The following ADIPOR1 variants were observed in gnomAD, a reference collection of about 807,000 sequenced individuals.
ADIPOR1 encodes adiponectin receptor 1.
A neutral mutation model predicts 37.5 loss-of-function variants in ADIPOR1; 15 were observed. The ratio of observed to expected loss-of-function variants is 0.40; its 90% CI spans 0.27 to 0.62. The LOEUF (loss-of-function observed/expected upper bound fraction) is 0.62, where lower values mean the gene tolerates loss of function less well. ADIPOR1 is among the 20% of genes least tolerant of loss of function. The pLI is 0.42. For missense variants in ADIPOR1, 286 were observed against 478.0 expected, an observed-to-expected ratio of 0.60 and a Z score of 3.75; for synonymous variants, 173 against 173.2, an observed-to-expected ratio of 1.00 and a Z score of 0.01.
rs368402095 is a variant in ADIPOR1, at chr1:202,949,706, G to A, written c.141+1224C>T. 1.1e-4 allele frequency among the ~76,000 whole-genome samples: 17 copies of A among 152,118 alleles called. No homozygotes were observed. In the East Asian group the frequency reaches 2.5e-3, roughly 23 times the overall value. On this transcript the variant is annotated intron_variant, in intron 2 of 7. Coordinates refer to ENST00000340990, the MANE Select transcript of ADIPOR1 (RefSeq NM_015999.6). ...GCCTGGCAGTTCAACTCCTTTTCTG[G>A]GCTATTTCTCTCCTGTTGCTGATGG...
chr1:202,947,372 A>T (rs1217818850), intron 3 of ADIPOR1, among the ~76,000 whole-genome samples: 1 of 151,424 alleles, frequency 6.6e-6, no homozygotes, highest in African/African-American at 2.4e-5. Context: ...AAATACAAAA[A>T]TAAGCCAGGC....
In ADIPOR1 at chr1:202,943,614, T is replaced by C. The variant is rs1442663590; in HGVS notation, c.805+144A>G. The C allele has an allele frequency of 3.4e-6, 3 of 876,508 alleles. No individual in the cohort carries two copies. The African/African-American group carries it at 5.1e-5, about 15-fold the overall frequency. 54.3% of individuals were successfully genotyped at this position (876,508 alleles called of 1,614,324 possible). A position where few individuals can be genotyped will look rare whatever the true frequency, so the allele number is the denominator to read the frequency against. ...GGGGGTTGAGAACTGAGCTTTGAAA[T>C]TGATGCTGTTTTGAAAGTTCTGAAA... On this transcript the variant is annotated intron_variant, in intron 6 of 7. Coordinates refer to ENST00000340990, the MANE Select transcript of ADIPOR1 (RefSeq NM_015999.6).
intron 2 of ADIPOR1, among the ~76,000 whole-genome samples, chr1:202,949,577 T>TC (rs1654478642): frequency 8.4e-5 from 2 of 23,734 alleles, no homozygotes; most frequent in South Asian, 1.7e-3. Context: ...AGACTCTGTC[T>TC]CCAAAAAAAA....
chr1:202,945,989 C>CG (rs374676043), intron 4 of ADIPOR1, among the ~76,000 whole-genome samples: 1 of 118,942 alleles, frequency 8.4e-6, no homozygotes. Context: ...GTAACCAAAC[C>CG]CCCCCCCACC....
At position 202,941,704 on chromosome 1, in the gene ADIPOR1, G is replaced by A. The variant is rs1654093940; in HGVS notation, c.1000-3C>T. On this transcript the variant is annotated splice_region_variant and splice_polypyrimidine_tract_variant and intron_variant, in intron 7 of 7. Coordinates refer to ENST00000340990, the MANE Select transcript of ADIPOR1 (RefSeq NM_015999.6). ...TGGAAAATCTGATGAGACTGGAACT[G>A]TAGGAATAAAAAGAAAAGAGCCTTT... The A allele has an allele frequency of 1.9e-6, 3 of 1,607,876 alleles. No homozygotes were observed. Among genetic ancestry groups the A allele is most frequent in the Non-Finnish European group, 2.5e-6 (3 of 1,178,526 alleles).
At position 202,958,180 on chromosome 1, in the gene ADIPOR1, C is replaced by CT. The variant is rs1654858905; in HGVS notation, c.-95+4dup. On this transcript the variant is annotated splice_donor_region_variant and intron_variant, in intron 1 of 7. Transcript: ENST00000340990. ...TGCCCACCGCGCAGCCCCTGGGAGA[C>CT]TTACAGCCGGGCAGGCGGGCTCTGC... 1 of 152,126 alleles carries CT rather than the reference C, an allele frequency of 6.6e-6. No individual in the cohort carries two copies. The highest frequency in any genetic ancestry group is 2.4e-5 in the African/African-American group (1 of 41,430). 9.4% of individuals were successfully genotyped at this position (152,126 alleles called of 1,614,324 possible).
chr1:202,946,901 G>T lies in ADIPOR1; in HGVS notation c.259-291C>A, dbSNP rs1258302742. Among the ~76,000 whole-genome samples, 4 of 151,442 alleles carry T rather than the reference G, an allele frequency of 2.6e-5. No homozygotes were observed. In the East Asian group the frequency reaches 7.8e-4, roughly 29 times the overall value. On this transcript the variant is annotated intron_variant, in intron 3 of 7. Coordinates refer to ENST00000340990, the MANE Select transcript of ADIPOR1 (RefSeq NM_015999.6). ...AGGCTGAGGCAGGTGGATCACCTGA[G>T]GTCAGGAGTTCAAGACCTGCCTGAC...
intron 3 of ADIPOR1, 79 bp from the exon 4 acceptor site, chr1:202,946,689 TAAG>T (rs1354370735): frequency 6.9e-7 from 1 of 1,448,400 alleles, no homozygotes; most frequent in Non-Finnish European, 9.6e-7. Flanking sequence ...AGAACTAGTC[TAAG>T]AAGATGTCAG....
At chr1:202,942,852 T>G (rs1654150709) in intron 6 of ADIPOR1, among the ~76,000 whole-genome samples, 1 of 145,044 alleles carries the variant, frequency 6.9e-6, no homozygotes, top group Non-Finnish European at 1.5e-5. Flanking sequence ...TATTATTTTT[T>G]TCTTTTCTTT....
Position 202,941,609 on chromosome 1 carries a change from G to T in ADIPOR1, c.1092C>A (p.Gly364=). The change falls in exon 8 of 8, where the codon GGC becomes GGA. Residue 364 remains glycine (G), a synonymous_variant. Transcript: ENST00000340990. ...TGTCATCAGTACAGCCGCCTTCTAG[G>T]CCGTAACGGAATTCCTGAAGGTTGG... is the stretch of plus-strand genomic sequence containing the variant. ...GVSNLQEFRY[G]LEGGCTDDTL... is the part of the protein sequence containing the mutation. 1.2e-6 allele frequency: 2 copies of T among 1,614,178 alleles called. No individual in the cohort carries two copies. Among genetic ancestry groups the T allele is most frequent in the Non-Finnish European group, 1.7e-6 (2 of 1,180,026 alleles).
intron 3 of ADIPOR1, among the ~76,000 whole-genome samples, chr1:202,947,058 G>A (rs1654359164): frequency 1.3e-5 from 2 of 152,182 alleles, no homozygotes; most frequent in South Asian, 4.1e-4. Context: ...GGGGGTTGCA[G>A]TGAGCCGAGA....
chr1:202,952,363 A>T (rs895976629), intron 1 of ADIPOR1, among the ~76,000 whole-genome samples: 1 of 152,156 alleles, frequency 6.6e-6, no homozygotes, highest in Non-Finnish European at 1.5e-5. Context: ...AAGCTTAGGG[A>T]GCCCCAATCT....
At chr1:202,949,528 C>T (rs1342639782) in intron 2 of ADIPOR1, among the ~76,000 whole-genome samples, 1 of 147,548 alleles carries the variant, frequency 6.8e-6, no homozygotes, top group African/African-American at 2.5e-5. Context: ...CTGCAGTGAG[C>T]CGAGAACGTG....
Position 202,950,937 on chromosome 1 carries a change from G to C in ADIPOR1, c.134C>G (p.Pro45Arg), listed in dbSNP as rs1654552550. ...CCTGGGAAGATGACTTACTTTGGGTGGGTTGGCGATTACCCGTTTGCCCTT... is the reference window on the plus strand; with the variant it reads ...CCTGGGAAGATGACTTACTTTGGGTCGGTTGGCGATTACCCGTTTGCCCTT... The part of the protein sequence containing the change: ...EEKGKRVIAN[P>R]PKAEEEQTCP... The change falls in exon 2 of 8, where the codon CCA becomes CGA. Residue 45 changes from proline (P) to arginine (R), a missense_variant. Transcript: ENST00000340990. 1 of 1,614,078 alleles carries C rather than the reference G, an allele frequency of 6.2e-7. No homozygotes were observed. Among genetic ancestry groups the C allele is most frequent in the African/African-American group, 1.3e-5 (1 of 74,924 alleles).
chr1:202,942,819 G>A (rs143899075), intron 6 of ADIPOR1, among the ~76,000 whole-genome samples: 1 of 151,890 alleles, frequency 6.6e-6, no homozygotes, highest in East Asian at 1.9e-4. Flanking sequence ...CACGTGGCTG[G>A]TGCTTGATAA....
intron 2 of ADIPOR1, 42 bp downstream of exon 2, chr1:202,950,888 G>C: frequency 3.1e-6 from 5 of 1,612,836 alleles, no homozygotes; most frequent in Non-Finnish European, 4.2e-6. Flanking sequence ...GTTCTAAGGA[G>C]AGAAACTGAA....
At position 202,951,049 on chromosome 1, in the gene ADIPOR1, C is replaced by T; in HGVS notation, c.22G>A (p.Val8Met). ...GGAGCCCCATTCCCCTGTGCCACCA[C>T]AGATCCTTTGTGGGAAGACATCTGG... MSSHKGS[V>M]VAQGNGAPAS... The change falls in exon 2 of 8, where the codon GTG becomes ATG. Residue 8 changes from valine to methionine, a missense_variant. Coordinates refer to ENST00000340990, the MANE Select transcript of ADIPOR1 (RefSeq NM_015999.6). 6.2e-7 allele frequency: 1 copy of T among 1,614,170 alleles called. No individual in the cohort carries two copies.
chr1:202,945,722 A>G (rs1421154126), intron 4 of ADIPOR1, among the ~76,000 whole-genome samples: 1 of 152,256 alleles, frequency 6.6e-6, no homozygotes, highest in Non-Finnish European at 1.5e-5. Flanking sequence ...AACCTGGATG[A>G]AGCTGAAGGC....
chr1:202,942,766 C>T (rs1284656689), intron 6 of ADIPOR1, among the ~76,000 whole-genome samples: 1 of 152,146 alleles, frequency 6.6e-6, no homozygotes, highest in African/African-American at 2.4e-5. Context: ...CAGGGACCAC[C>T]TCTCCATCTT....
Sources: gnomAD v4.1 joint callset for allele counts (sites outside exome capture counted in the v4.1 genomes callset) on GRCh38, gnomAD v4.1.1 for gene constraint, MANE v1.5 for transcripts, NCBI Gene and HGNC (gene_info 2026-07-23, HGNC 2026-07-21) for gene names.